HS3ST5: variants seen among roughly 807,000 people sequenced by gnomAD.
The protein encoded by HS3ST5 is heparan sulfate-glucosamine 3-sulfotransferase 5.
Under a neutral mutation model 25.4 loss-of-function variants are expected in HS3ST5, and 10 were observed. The observed-to-expected ratio is 0.39, with a 90% CI of 0.24 to 0.67. The LOEUF (loss-of-function observed/expected upper bound fraction) is 0.67, where lower values mean the gene tolerates loss of function less well. Ranked by LOEUF, HS3ST5 falls within the 30% of genes least tolerant of loss-of-function variation. The pLI is 0.44. For missense variants in HS3ST5, 324 were observed against 420.7 expected, an observed-to-expected ratio of 0.77 and a Z score of 2.01; for synonymous variants, 170 against 162.4, an observed-to-expected ratio of 1.05 and a Z score of -0.36.
intron 3 of HS3ST5, among the ~76,000 whole-genome samples, chr6:114,131,608 T>A (rs1777337152): frequency 1.3e-5 from 2 of 152,212 alleles, no homozygotes; most frequent in South Asian, 2.1e-4. Context: ...TTTAAAAAAA[T>A]TTCTTAAAAT....
At chr6:114,160,444 G>T (rs1778893550) in intron 3 of HS3ST5, among the ~76,000 whole-genome samples, 1 of 151,914 alleles carries the variant, frequency 6.6e-6, no homozygotes, top group African/African-American at 2.4e-5. Context: ...TGAGATCTCA[G>T]AAAAATGAAT....
intron 1 of HS3ST5, among the ~76,000 whole-genome samples, chr6:114,299,489 C>A (rs941275403): frequency 1.3e-5 from 2 of 152,124 alleles, no homozygotes; most frequent in Non-Finnish European, 2.9e-5. Context: ...TTTTGAAAAT[C>A]CCTAATAAAA....
At chr6:114,149,678 C>T (rs1360813785) in intron 3 of HS3ST5, among the ~76,000 whole-genome samples, 1 of 151,944 alleles carries the variant, frequency 6.6e-6, no homozygotes, top group East Asian at 1.9e-4. Context: ...AGCAAACCAC[C>T]ATGGCACATG....
At chr6:114,092,681 T>G (rs943408884) in intron 3 of HS3ST5, among the ~76,000 whole-genome samples, 3 of 149,774 alleles carry the variant, frequency 2.0e-5, no homozygotes, top group Admixed American at 1.3e-4. Context: ...TTTATTTTGT[T>G]TTTTTTTTTT....
chr6:114,257,023 G>T (rs1190180573), intron 1 of HS3ST5, among the ~76,000 whole-genome samples: 1 of 152,196 alleles, frequency 6.6e-6, no homozygotes, highest in Non-Finnish European at 1.5e-5. Context: ...AGGTAAAGGG[G>T]TTTCCCCCTT....
At chr6:114,230,877 C>T (rs988024858) in intron 1 of HS3ST5, among the ~76,000 whole-genome samples, 13 of 152,074 alleles carry the variant, frequency 8.5e-5, no homozygotes, top group African/African-American at 2.7e-4. Context: ...CTCGAGCCAC[C>T]GCGCCCGGCC....
intron 3 of HS3ST5, among the ~76,000 whole-genome samples, chr6:114,082,300 C>T (rs17075861): frequency 0.13 from 19,445 of 152,154 alleles, 1,558 homozygotes; most frequent in East Asian, 0.27. Flanking sequence ...TTGAGACTAG[C>T]GGTGAGTTGA....
At chr6:114,337,412 TA>T (rs1163725738) in intron 1 of HS3ST5, among the ~76,000 whole-genome samples, 1 of 152,196 alleles carries the variant, frequency 6.6e-6, no homozygotes, top group African/African-American at 2.4e-5. Flanking sequence ...TACACCGTAG[TA>T]ACACAACATT....
At chr6:114,258,364 A>C (rs960777064) in intron 1 of HS3ST5, among the ~76,000 whole-genome samples, 6 of 152,210 alleles carry the variant, frequency 3.9e-5, no homozygotes, top group Non-Finnish European at 8.8e-5. Context: ...AGATTGAAAA[A>C]AAGAAAACCC....
chr6:114,294,162 T>C (rs1264154993), intron 1 of HS3ST5, among the ~76,000 whole-genome samples: 1 of 152,154 alleles, frequency 6.6e-6, no homozygotes, highest in African/African-American at 2.4e-5. Flanking sequence ...GAAGATGTGA[T>C]CACTTTGCTT....
At chr6:114,126,970 G>C (rs1291063756) in intron 3 of HS3ST5, among the ~76,000 whole-genome samples, 1 of 152,104 alleles carries the variant, frequency 6.6e-6, no homozygotes, top group African/African-American at 2.4e-5. Context: ...CATGGTCTAG[G>C]CTTTCTCATA....
chr6:114,105,286 A>AGT, intron 3 of HS3ST5, among the ~76,000 whole-genome samples: 1 of 152,326 alleles, frequency 6.6e-6, no homozygotes, highest in Admixed American at 6.5e-5. Flanking sequence ...AATTTTAGCC[A>AGT]AAGCATGTTT....
intron 1 of HS3ST5, among the ~76,000 whole-genome samples, chr6:114,249,990 A>T (rs1429954499): frequency 6.6e-6 from 1 of 152,196 alleles, no homozygotes; most frequent in Non-Finnish European, 1.5e-5. Flanking sequence ...CATGCTTTTT[A>T]ATCATTTGCT....
intron 2 of HS3ST5, among the ~76,000 whole-genome samples, chr6:114,224,315 A>C (rs1011684258): frequency 6.6e-6 from 1 of 151,678 alleles, no homozygotes; most frequent in Non-Finnish European, 1.5e-5. Flanking sequence ...ATACTGTCAC[A>C]AAGGATTTGA....
At position 114,093,420 on chromosome 6, in the gene HS3ST5, C is replaced by T. The variant is rs146575225; in HGVS notation, c.-32-30543G>A. ...GTGTCTGGATGTTTTCTGTCTGCCC[C>T]TCTTTGCTTGTCTCCACCCTTGATA... On this transcript the variant is annotated intron_variant, in intron 3 of 4. Transcript: ENST00000312719. Among the ~76,000 whole-genome samples, 828 of 150,504 alleles carry T rather than the reference C, an allele frequency of 5.5e-3. 12 individuals are homozygous for T. In the South Asian group the frequency reaches 0.06, roughly 11 times the overall value.
intron 1 of HS3ST5, among the ~76,000 whole-genome samples, chr6:114,317,821 G>A (rs1775804541): frequency 1.4e-5 from 2 of 147,444 alleles, no homozygotes; most frequent in Non-Finnish European, 3.0e-5. Flanking sequence ...AGGCTGGAGG[G>A]CGGGAAAAAG....
intron 1 of HS3ST5, among the ~76,000 whole-genome samples, chr6:114,288,932 G>C (rs752899241): frequency 3.3e-5 from 5 of 152,046 alleles, no homozygotes; most frequent in Non-Finnish European, 7.4e-5. Context: ...AGCTCCCGAA[G>C]AACACAGCTG....
intron 1 of HS3ST5, among the ~76,000 whole-genome samples, chr6:114,280,802 A>G (rs780682509): frequency 1.3e-4 from 20 of 152,116 alleles, no homozygotes; most frequent in Non-Finnish European, 2.7e-4. Context: ...AAACCAAAGT[A>G]GGGCGCCTTC....
intron 1 of HS3ST5, among the ~76,000 whole-genome samples, chr6:114,235,430 C>A (rs1285722923): frequency 1.3e-5 from 2 of 151,200 alleles, no homozygotes; most frequent in African/African-American, 4.9e-5. Flanking sequence ...CCTAGATGAT[C>A]AGCTTTCTGT....
Sources: allele counts gnomAD v4.1 joint callset (sites outside exome capture counted in the v4.1 genomes callset), GRCh38; gene constraint gnomAD v4.1.1; transcripts MANE v1.5; gene names NCBI Gene and HGNC (gene_info 2026-07-23, HGNC 2026-07-21).